Variants in FBXO11 observed in about 807,000 individuals in gnomAD.
The protein encoded by FBXO11 is F-box protein 11, also known as F-box only protein 11.
A neutral mutation model predicts 117.0 loss-of-function variants in FBXO11; 13 were observed. That is an observed-to-expected ratio of 0.11 (90% CI 0.07 to 0.18). The LOEUF is 0.18. Among genes scored for constraint, FBXO11 ranks in the 10% least tolerant of loss-of-function variants. The pLI, the probability that FBXO11 is intolerant of heterozygous loss-of-function variation, is 1.00. For synonymous variants in FBXO11, 490 were observed against 380.5 expected (o/e 1.29, Z -3.35); for missense variants, 767 against 1,164.4 (o/e 0.66, Z 4.97).
rs77694505 is a variant in FBXO11 at position 47,809,889 on chromosome 2, A to G, written c.2339-182T>C. On this transcript the variant is annotated intron_variant, in intron 19 of 22. Coordinates refer to ENST00000403359, the MANE Select transcript of FBXO11 (RefSeq NM_001190274.2). ...CAGTAACATTCACTTATCAATGACTATGGTCAAAACTGCAATTAACTTTCG... is the reference window on the plus strand; with the variant it reads ...CAGTAACATTCACTTATCAATGACTGTGGTCAAAACTGCAATTAACTTTCG... 2.4e-3 allele frequency: 1,301 copies of G among 544,850 alleles called. 1 individual carries two copies. Among genetic ancestry groups the G allele is most frequent in the Non-Finnish European group, 3.9e-3 (1,193 of 309,866 alleles). 33.8% of individuals were successfully genotyped at this position (544,850 alleles called of 1,614,324 possible). A position where few individuals can be genotyped will look rare whatever the true frequency, so the allele number is the denominator to read the frequency against.
At position 47,812,891 on chromosome 2, in the gene FBXO11, T is replaced by C. The variant is rs191696222; in HGVS notation, c.2227+343A>G. The stretch of plus-strand genomic sequence containing the variant: ...GTTTACTAAAGACATTTTCAGATAT[T>C]TACAGATCAATTTCTCACATCTATT... On this transcript the variant is annotated intron_variant, in intron 18 of 22. Transcript: ENST00000403359. 1.8e-4 allele frequency: 50 copies of C among 272,846 alleles called. No individual in the cohort carries two copies. The Admixed American group carries it at 2.0e-3, about 11-fold the overall frequency. The allele number at this position is 272,846 out of a possible 1,614,324, so 16.9% of individuals were successfully genotyped here. A position where few individuals can be genotyped will look rare whatever the true frequency, so the allele number is the denominator to read the frequency against.
At chr2:47,881,625 C>T (rs1172243544) in intron 1 of FBXO11, among the ~76,000 whole-genome samples, 1 of 152,100 alleles carries the variant, frequency 6.6e-6, no homozygotes, top group East Asian at 1.9e-4. Flanking sequence ...GTTTAAACAT[C>T]TTTTTCAATA....
At chr2:47,840,068 C>T (rs1015363764) in intron 1 of FBXO11, among the ~76,000 whole-genome samples, 2 of 151,858 alleles carry the variant, frequency 1.3e-5, no homozygotes, top group Admixed American at 6.6e-5. Flanking sequence ...CTCAGCCTCC[C>T]GAGTAGCTGG....
chr2:47,826,281 TCTC>T (rs1434439190), intron 11 of FBXO11, among the ~76,000 whole-genome samples: 2 of 151,828 alleles, frequency 1.3e-5, no homozygotes, highest in Non-Finnish European at 2.9e-5. Flanking sequence ...ATGGTCTCGA[TCTC>T]CTAACCTCGT....
rs1670342986 is a variant in FBXO11 at position 47,807,983 on chromosome 2, T to TGTC, written c.*132_*134dup. ...CTTTTTGGTAGCTTGAGCTTCATAG[T>TGTC]GTCAACTGACCTTGTGTATCCATTT... On this transcript the variant is annotated 3_prime_UTR_variant, in exon 23 of 23. Coordinates refer to ENST00000403359, the MANE Select transcript of FBXO11 (RefSeq NM_001190274.2). 2.6e-6 allele frequency: 2 copies of TGTC among 772,496 alleles called. No individual in the cohort carries two copies. Among genetic ancestry groups the TGTC allele is most frequent in the Non-Finnish European group, 4.2e-6 (2 of 480,412 alleles). The allele number at this position is 772,496 out of a possible 1,614,324, so 47.9% of individuals were successfully genotyped here. A position where few individuals can be genotyped will look rare whatever the true frequency, so the allele number is the denominator to read the frequency against.
intron 1 of FBXO11, among the ~76,000 whole-genome samples, chr2:47,879,233 T>A (rs754776641): frequency 2.0e-5 from 3 of 152,224 alleles, no homozygotes; most frequent in Non-Finnish European, 4.4e-5. Context: ...CTTCTGCTAT[T>A]ACAGAATAAT....
intron 11 of FBXO11, among the ~76,000 whole-genome samples, chr2:47,827,508 T>A (rs533348429): frequency 6.6e-6 from 1 of 151,928 alleles, no homozygotes; most frequent in African/African-American, 2.4e-5. Context: ...GGTTTCACTA[T>A]GTTGGCCAGG....
intron 1 of FBXO11, 53 bp from the exon 2 acceptor site, chr2:47,839,822 T>C (rs1672875767): frequency 1.3e-6 from 2 of 1,533,648 alleles, no homozygotes; most frequent in Non-Finnish European, 1.8e-6. Flanking sequence ...AAAAAAGTTC[T>C]ATGGATACAG....
At chr2:47,846,782 T>A (rs1210055155) in intron 1 of FBXO11, among the ~76,000 whole-genome samples, 1 of 152,144 alleles carries the variant, frequency 6.6e-6, no homozygotes, top group African/African-American at 2.4e-5. Context: ...CTGAGATAAT[T>A]TACATTTTTT....
At chr2:47,884,097 T>TA (rs1000759276) in intron 1 of FBXO11, among the ~76,000 whole-genome samples, 31 of 152,196 alleles carry the variant, frequency 2.0e-4, no homozygotes, top group African/African-American at 7.0e-4. Context: ...TGCATACCTA[T>TA]AATCCCAGCT....
At chr2:47,903,686 T>C (rs1179948736) in intron 1 of FBXO11, among the ~76,000 whole-genome samples, 1 of 152,236 alleles carries the variant, frequency 6.6e-6, no homozygotes, top group Non-Finnish European at 1.5e-5. Context: ...CTAATATTAT[T>C]AACCAATTAC....
chr2:47,887,156 A>C (rs1033202809), intron 1 of FBXO11, among the ~76,000 whole-genome samples: 2 of 151,948 alleles, frequency 1.3e-5, no homozygotes, highest in Non-Finnish European at 2.9e-5. Context: ...ATGGTGGCGC[A>C]TACCTGTAAT....
At chr2:47,838,826 T>C in intron 4 of FBXO11, 33 bp downstream of exon 4, 4 of 1,592,252 alleles carry the variant, frequency 2.5e-6, no homozygotes, top group Non-Finnish European at 3.4e-6. Flanking sequence ...AAATAACATA[T>C]CTCAAGTTAA....
chr2:47,845,749 T>C (rs565336728), intron 1 of FBXO11, among the ~76,000 whole-genome samples: 60 of 152,164 alleles, frequency 3.9e-4, no homozygotes, highest in Non-Finnish European at 4.9e-4. Context: ...TCTTTTATAT[T>C]CTTCAGTGTT....
At chr2:47,820,824 C>T (rs976972516) in intron 13 of FBXO11, among the ~76,000 whole-genome samples, 3 of 152,160 alleles carry the variant, frequency 2.0e-5, no homozygotes, top group Non-Finnish European at 4.4e-5. Context: ...TATTATATGA[C>T]TTAACTCAGG....
At chr2:47,869,202 C>G (rs1046939325) in intron 1 of FBXO11, among the ~76,000 whole-genome samples, 1 of 152,330 alleles carries the variant, frequency 6.6e-6, no homozygotes, top group East Asian at 1.9e-4. Context: ...TAGTAACTCA[C>G]TAACGAAATT....
intron 5 of FBXO11, 49 bp downstream of exon 5, chr2:47,835,823 A>G: frequency 7.0e-7 from 1 of 1,431,526 alleles, no homozygotes. Context: ...AAAGAAAGTT[A>G]TTTACAAATG....
Position 47,807,452 on chromosome 2 carries a change from A to C in FBXO11, c.*666T>G. The stretch of plus-strand genomic sequence containing the variant: ...GAAATAATAGTCTTAACTTTTCTTA[A>C]AGGATACCAGAAACATTGCTGGATA... On this transcript the variant is annotated 3_prime_UTR_variant, in exon 23 of 23. Coordinates refer to ENST00000403359, the MANE Select transcript of FBXO11 (RefSeq NM_001190274.2). 4.9e-6 allele frequency: 1 copy of C among 205,658 alleles called. No homozygotes were observed. Among genetic ancestry groups the C allele is most frequent in the Non-Finnish European group, 1.0e-5 (1 of 100,294 alleles). The allele number at this position is 205,658 out of a possible 1,614,324, so 12.7% of individuals were successfully genotyped here. A position where few individuals can be genotyped will look rare whatever the true frequency, so the allele number is the denominator to read the frequency against.
intron 1 of FBXO11, among the ~76,000 whole-genome samples, chr2:47,891,088 T>C (rs184732896): frequency 6.6e-6 from 1 of 152,110 alleles, no homozygotes; most frequent in Non-Finnish European, 1.5e-5. Context: ...CCTCCCAACA[T>C]GCTGGGATTA....
Sources: gnomAD v4.1 joint callset for allele counts (sites outside exome capture counted in the v4.1 genomes callset) on GRCh38, gnomAD v4.1.1 for gene constraint, MANE v1.5 for transcripts, NCBI Gene and HGNC (gene_info 2026-07-23, HGNC 2026-07-21) for gene names.